BTBD9: variants seen among roughly 807,000 people sequenced by gnomAD.
The protein encoded by BTBD9 is BTB domain containing 9.
In BTBD9, 49 loss-of-function variants were observed where a neutral mutation model predicts 64.3. The observed-to-expected ratio is 0.76, with a 90% CI of 0.61 to 0.97. BTBD9 has a LOEUF of 0.97. BTBD9 is among the 50% of genes least tolerant of loss of function. BTBD9 has a pLI of 0.00. For synonymous variants in BTBD9, 260 were observed against 274.7 expected (o/e 0.95, Z 0.53); for missense variants, 598 against 762.1 (o/e 0.78, Z 2.53).
chr6:38,238,575 C>G (rs906585733), intron 9 of BTBD9, among the ~76,000 whole-genome samples: 2 of 150,726 alleles, frequency 1.3e-5, no homozygotes, highest in East Asian at 2.0e-4. Context: ...CGGGTTCACA[C>G]CATTGTCCTG....
rs145651172 is a variant in BTBD9, at chr6:38,576,773, A to G, written c.1154+827T>C. On this transcript the variant is annotated intron_variant, in intron 6 of 10. Transcript: ENST00000481247. ...ATCTTTTGACTTTAAGGTAAAGAAT[A>G]TCTAAAGGCAATTTCCAGTGAGAAA... Among the ~76,000 whole-genome samples, 97 of 152,282 alleles carry G rather than the reference A, an allele frequency of 6.4e-4. 1 individual carries two copies. The highest frequency in any genetic ancestry group is 1.1e-3 in the Non-Finnish European group (77 of 68,024).
At chr6:38,474,951 G>A (rs1213599277) in intron 6 of BTBD9, among the ~76,000 whole-genome samples, 7 of 152,048 alleles carry the variant, frequency 4.6e-5, no homozygotes, top group African/African-American at 1.4e-4. Context: ...TCATCAGAGC[G>A]TTATTTACAA....
At chr6:38,194,632 C>T (rs377222853) in intron 9 of BTBD9, among the ~76,000 whole-genome samples, 45 of 152,206 alleles carry the variant, frequency 3.0e-4, no homozygotes, top group Non-Finnish European at 5.6e-4. Context: ...CCCAGAATCA[C>T]GGCCCTGTGG....
chr6:38,491,735 C>T (rs1771710977), intron 6 of BTBD9, among the ~76,000 whole-genome samples: 1 of 151,930 alleles, frequency 6.6e-6, no homozygotes, highest in African/African-American at 2.4e-5. Flanking sequence ...AACCACAAAG[C>T]AATGAGGCAA....
At chr6:38,300,963 T>G (rs1369617268) in intron 7 of BTBD9, among the ~76,000 whole-genome samples, 3 of 152,180 alleles carry the variant, frequency 2.0e-5, no homozygotes, top group African/African-American at 7.2e-5. Context: ...TGCTTCCAGT[T>G]TTTGTCCATT....
intron 9 of BTBD9, among the ~76,000 whole-genome samples, chr6:38,227,742 G>A (rs988175167): frequency 6.6e-6 from 1 of 152,206 alleles, no homozygotes; most frequent in Non-Finnish European, 1.5e-5. Flanking sequence ...GGGGGCCTGG[G>A]ACTGGCATTC....
intron 8 of BTBD9, among the ~76,000 whole-genome samples, chr6:38,257,044 G>A (rs1764602745): frequency 6.7e-6 from 1 of 149,940 alleles, no homozygotes; most frequent in Admixed American, 6.6e-5. Flanking sequence ...TGAGTAGCTG[G>A]GACTATAGTT....
intron 6 of BTBD9, among the ~76,000 whole-genome samples, chr6:38,547,172 C>T (rs1456518125): frequency 6.6e-6 from 1 of 152,130 alleles, no homozygotes; most frequent in Non-Finnish European, 1.5e-5. Context: ...TGAAAGTAGG[C>T]CAATTAATAA....
At chr6:38,208,846 A>G (rs1486975192) in intron 9 of BTBD9, among the ~76,000 whole-genome samples, 1 of 152,136 alleles carries the variant, frequency 6.6e-6, no homozygotes, top group African/African-American at 2.4e-5. Flanking sequence ...CTTAGGAAAA[A>G]TGGGGCCAAG....
At chr6:38,419,765 G>C (rs1299840969) in intron 6 of BTBD9, among the ~76,000 whole-genome samples, 1 of 152,132 alleles carries the variant, frequency 6.6e-6, no homozygotes, top group Non-Finnish European at 1.5e-5. Flanking sequence ...AGCTACTCAG[G>C]AGGCTAAGGC....
At chr6:38,606,816 AT>A (rs1438593098) in intron 1 of BTBD9, among the ~76,000 whole-genome samples, 1 of 152,202 alleles carries the variant, frequency 6.6e-6, no homozygotes, top group African/African-American at 2.4e-5. Context: ...TAAAATATCC[AT>A]TTTACAGACA....
intron 6 of BTBD9, among the ~76,000 whole-genome samples, chr6:38,397,546 G>A (rs1009331249): frequency 2.0e-5 from 3 of 152,216 alleles, no homozygotes; most frequent in African/African-American, 7.2e-5. Flanking sequence ...TGAATTTCAG[G>A]TGCCTGTGCA....
chr6:38,196,835 T>C (rs1762286866), intron 9 of BTBD9, among the ~76,000 whole-genome samples: 1 of 152,210 alleles, frequency 6.6e-6, no homozygotes, highest in African/African-American at 2.4e-5. Context: ...AATAAAGCTA[T>C]AAATTTTGAG....
At chr6:38,391,166 G>A (rs1766394010) in intron 6 of BTBD9, among the ~76,000 whole-genome samples, 1 of 152,238 alleles carries the variant, frequency 6.6e-6, no homozygotes, top group Admixed American at 6.5e-5. Flanking sequence ...GAATTTGGGT[G>A]AGGAATGTGT....
Position 38,615,939 on chromosome 6 carries a change from G to C in BTBD9, c.-27-17818C>G, listed in dbSNP as rs184827731. Among the ~76,000 whole-genome samples, 8 of 152,288 alleles carry C rather than the reference G, an allele frequency of 5.3e-5. No homozygotes were observed. The East Asian group carries it at 1.5e-3, about 29-fold the overall frequency. ...ATGTAAGATGGCACCCAAGATCCCT[G>C]CTCCCAGATACACACACCCATATAA... is the stretch of plus-strand genomic sequence containing the variant. On this transcript the variant is annotated intron_variant, in intron 1 of 10. Transcript: ENST00000481247.
intron 7 of BTBD9, among the ~76,000 whole-genome samples, chr6:38,344,130 G>C (rs956515387): frequency 6.6e-6 from 1 of 152,134 alleles, no homozygotes; most frequent in African/African-American, 2.4e-5. Flanking sequence ...GCAATAAAGG[G>C]ACAGAATCAA....
Position 38,598,081 on chromosome 6 carries a change from T to G in BTBD9, c.14A>C (p.His5Pro). MSNS[H>P]PLRPFTAVGE... ...CACTGCAGTAAAGGGGCGAAGAGGGTGGCTGTTACTCATCTTGTGGAATAG... is the reference window on the plus strand; with the variant it reads ...CACTGCAGTAAAGGGGCGAAGAGGGGGGCTGTTACTCATCTTGTGGAATAG... Residue 5 changes from histidine (H) to proline (P), a missense_variant, in exon 2 of 11, where the codon CAC becomes CCC. By Grantham distance (77) the His-to-Pro change is moderately conservative. Transcript: ENST00000481247. 1 of 1,612,972 alleles carries G rather than the reference T, an allele frequency of 6.2e-7. No homozygotes were observed. The highest frequency in any genetic ancestry group is 1.1e-5 in the South Asian group (1 of 90,786).
intron 8 of BTBD9, among the ~76,000 whole-genome samples, chr6:38,286,521 C>CAT (rs1254318429): frequency 6.6e-6 from 1 of 151,946 alleles, no homozygotes; most frequent in Non-Finnish European, 1.5e-5. Context: ...CACACACATA[C>CAT]ATATATATAT....
At chr6:38,376,056 A>G (rs1277585670) in intron 6 of BTBD9, among the ~76,000 whole-genome samples, 2 of 152,224 alleles carry the variant, frequency 1.3e-5, no homozygotes, top group Non-Finnish European at 2.9e-5. Flanking sequence ...CATACCCAAA[A>G]TTTAGGAGCA....
Sources: allele counts gnomAD v4.1 joint callset (sites outside exome capture counted in the v4.1 genomes callset), GRCh38; gene constraint gnomAD v4.1.1; transcripts MANE v1.5; gene names NCBI Gene and HGNC (gene_info 2026-07-23, HGNC 2026-07-21).